Variants in SUN1 observed in about 807,000 individuals in gnomAD.
SUN1 encodes Sad1 and UNC84 domain containing 1.
SUN1 carries 61 observed loss-of-function variants against 103.2 expected under a neutral mutation model. That is an observed-to-expected ratio of 0.59 (90% CI 0.48 to 0.73). The LOEUF (loss-of-function observed/expected upper bound fraction) is 0.73. Among genes scored for constraint, SUN1 ranks in the 30% least tolerant of loss-of-function variants. The pLI is 0.00. For synonymous variants in SUN1, 490 were observed against 425.7 expected (o/e 1.15, Z -1.86); for missense variants, 1,052 against 1,034.6 (o/e 1.02, Z -0.23).
At chr7:856,218 A>G in intron 11 of SUN1, 140 bp from the exon 12 acceptor site, 2 of 790,874 alleles carry the variant, frequency 2.5e-6, no homozygotes, top group Non-Finnish European at 4.1e-6. Context: ...AACACTTCCT[A>G]CCTGCCACCC....
intron 1 of SUN1, among the ~76,000 whole-genome samples, chr7:833,676 A>T (rs1409665918): frequency 6.6e-6 from 1 of 152,226 alleles, no homozygotes; most frequent in African/African-American, 2.4e-5. Flanking sequence ...AAAATATTTT[A>T]AGAAAAATAC....
intron 1 of SUN1, among the ~76,000 whole-genome samples, chr7:824,519 AT>A (rs1397131084): frequency 6.6e-6 from 1 of 152,250 alleles, no homozygotes. Context: ...CTTTGCAGTA[AT>A]ATGTATAAAC....
rs79001474 is a variant in SUN1, at chr7:851,946, G to T, written c.758-4G>T. ...CTTAGAATGTTTGGTGTTTTCTCTT[G>T]TAGGGAAGGCAGCCTCTGGAGTGTT... On this transcript the variant is annotated splice_region_variant and splice_polypyrimidine_tract_variant and intron_variant, in intron 6 of 18. Coordinates refer to ENST00000401592, the MANE Select transcript of SUN1 (RefSeq NM_001130965.3). The T allele has an allele frequency of 6.2e-7, 1 of 1,613,606 alleles. No individual in the cohort carries two copies. Among genetic ancestry groups the T allele is most frequent in the Non-Finnish European group, 8.5e-7 (1 of 1,179,800 alleles).
chr7:849,528 A>G lies in SUN1; in HGVS notation c.659-1856A>G, dbSNP rs576676670. 5.1e-6 allele frequency: 7 copies of G among 1,377,506 alleles called. No homozygotes were observed. The East Asian group carries it at 2.2e-4, about 43-fold the overall frequency. 85.3% of individuals were successfully genotyped at this position (1,377,506 alleles called of 1,614,324 possible). ...TTTTGCGTGTGTTGCAGCTCATGCCAGTTACTATGGGAGAATGAATGTGAG... is the reference window on the plus strand; with the variant it reads ...TTTTGCGTGTGTTGCAGCTCATGCCGGTTACTATGGGAGAATGAATGTGAG... On this transcript the variant is annotated intron_variant, in intron 5 of 18. Transcript: ENST00000401592.
At chr7:854,071 G>T (rs1452417054) in intron 10 of SUN1, among the ~76,000 whole-genome samples, 1 of 152,226 alleles carries the variant, frequency 6.6e-6, no homozygotes, top group Non-Finnish European at 1.5e-5. Flanking sequence ...CGCGTGGGGG[G>T]ACCCAGGAAC....
intron 16 of SUN1, 150 bp from the exon 17 acceptor site, chr7:869,199 T>G (rs1345616394): frequency 1.0e-6 from 1 of 953,220 alleles, no homozygotes; most frequent in African/African-American, 1.7e-5. Context: ...TACAAATGCC[T>G]TTCCCAGCTT....
At chr7:872,886 AG>A (rs573642286) in intron 18 of SUN1, among the ~76,000 whole-genome samples, 2 of 152,206 alleles carry the variant, frequency 1.3e-5, no homozygotes, top group East Asian at 3.9e-4. Context: ...CAGGAGTTCG[AG>A]ACCAGCCTGA....
chr7:873,132 C>A, intron 18 of SUN1, 83 bp from the exon 19 acceptor site: 2 of 1,256,862 alleles, frequency 1.6e-6, no homozygotes, highest in Non-Finnish European at 1.2e-6. Context: ...TGCTTCCTGT[C>A]AGACGTCATA....
intron 5 of SUN1, among the ~76,000 whole-genome samples, chr7:844,209 G>T (rs1812922979): frequency 6.6e-6 from 1 of 152,234 alleles, no homozygotes; most frequent in South Asian, 2.1e-4. Context: ...GGGGGGCTGG[G>T]ATTCTGTGCC....
intron 17 of SUN1, among the ~76,000 whole-genome samples, chr7:871,361 T>A (rs1841531850): frequency 6.6e-6 from 1 of 152,176 alleles, no homozygotes; most frequent in South Asian, 2.1e-4. Flanking sequence ...CTTAATTTTG[T>A]ATTAACACTC....
At chr7:857,098 C>T (rs1002227973) in intron 12 of SUN1, among the ~76,000 whole-genome samples, 9 of 152,194 alleles carry the variant, frequency 5.9e-5, no homozygotes, top group Non-Finnish European at 2.9e-5. Context: ...CCCAACATGG[C>T]AGCTTTGTCT....
chr7:817,853 C>T (rs768085281), intron 1 of SUN1, among the ~76,000 whole-genome samples: 4 of 152,046 alleles, frequency 2.6e-5, no homozygotes, highest in Non-Finnish European at 4.4e-5. Context: ...GGAAATACTA[C>T]TGTTTGGGCT....
upstream of SUN1, among the ~76,000 whole-genome samples, chr7:827,760 C>G (rs1793936392): frequency 6.6e-6 from 1 of 152,076 alleles, no homozygotes; most frequent in East Asian, 1.9e-4. Context: ...GCCACCGTGC[C>G]TGGCCTAAAA....
At chr7:855,135 A>G (rs1312961001) in intron 11 of SUN1, 129 bp downstream of exon 11, 1 of 720,684 alleles carries the variant, frequency 1.4e-6, no homozygotes, top group East Asian at 2.8e-5. Flanking sequence ...TGTAAAATGG[A>G]AAGAAACACT....
chr7:872,031 T>C (rs1842071094), intron 17 of SUN1, among the ~76,000 whole-genome samples: 1 of 152,152 alleles, frequency 6.6e-6, no homozygotes, highest in Non-Finnish European at 1.5e-5. Flanking sequence ...CTCGCTCCCT[T>C]CTGCCTGCTC....
chr7:832,154 A>G (rs1798582708), upstream of SUN1: 2 of 914,862 alleles, frequency 2.2e-6, no homozygotes, highest in East Asian at 8.3e-5. Context: ...GACCGAGAAC[A>G]TTTTGACACA....
intron 16 of SUN1, 190 bp from the exon 17 acceptor site, chr7:869,159 T>G: frequency 3.6e-5 from 24 of 664,102 alleles, no homozygotes; most frequent in Non-Finnish European, 4.4e-5. Context: ...AACATATGGG[T>G]TGGAGATAGT....
intron 5 of SUN1, 22 bp downstream of exon 5, chr7:843,542 C>T: frequency 6.2e-7 from 1 of 1,613,878 alleles, no homozygotes; most frequent in Non-Finnish European, 8.5e-7. Context: ...TCCTTTAAAA[C>T]TCAGAAAAAG....
At chr7:844,587 T>G (rs1337697508) in intron 5 of SUN1, among the ~76,000 whole-genome samples, 1 of 152,176 alleles carries the variant, frequency 6.6e-6, no homozygotes, top group Non-Finnish European at 1.5e-5. Flanking sequence ...ACACTGCTAG[T>G]GTTAATACAG....
Sources: allele counts gnomAD v4.1 joint callset (sites outside exome capture counted in the v4.1 genomes callset), GRCh38; gene constraint gnomAD v4.1.1; transcripts MANE v1.5; gene names NCBI Gene and HGNC (gene_info 2026-07-23, HGNC 2026-07-21).